Variants in FMN1 observed in about 807,000 individuals in gnomAD.
FMN1 encodes formin 1, also known as formin-1.
FMN1 carries 110 observed loss-of-function variants against 132.4 expected under a neutral mutation model. The ratio of observed to expected loss-of-function variants is 0.83; its 90% CI spans 0.71 to 0.97. The LOEUF (loss-of-function observed/expected upper bound fraction) is 0.97. FMN1 is among the 50% of genes least tolerant of loss of function. The pLI, the probability that FMN1 is intolerant of heterozygous loss-of-function variation, is 0.00. For synonymous variants in FMN1, 722 were observed against 651.7 expected (o/e 1.11, Z -1.64); for missense variants, 1,792 against 1,705.3 (o/e 1.05, Z -0.90).
At chr15:33,100,088 C>T (rs535536370) in intron 4 of FMN1, among the ~76,000 whole-genome samples, 2 of 152,218 alleles carry the variant, frequency 1.3e-5, no homozygotes, top group South Asian at 4.1e-4. Flanking sequence ...CAACAGGAAG[C>T]TGAGAGTGCT....
intron 8 of FMN1, among the ~76,000 whole-genome samples, chr15:32,965,346 A>G (rs903220741): frequency 1.3e-5 from 2 of 152,010 alleles, no homozygotes; most frequent in African/African-American, 4.8e-5. Context: ...GTTGCGATGA[A>G]CTGAGATTGT....
At chr15:33,076,594 T>C (rs2038219528) in intron 5 of FMN1, among the ~76,000 whole-genome samples, 2 of 152,166 alleles carry the variant, frequency 1.3e-5, no homozygotes, top group South Asian at 4.2e-4. Context: ...TGCTCGGTTC[T>C]TTATGCAAGT....
chr15:32,995,128 C>A (rs1053380232), intron 7 of FMN1, among the ~76,000 whole-genome samples: 1 of 151,914 alleles, frequency 6.6e-6, no homozygotes, highest in African/African-American at 2.4e-5. Context: ...ATATGCAAAA[C>A]ACATTTCTTA....
At position 32,777,559 on chromosome 15, in the gene FMN1, T is replaced by C. The variant is rs187735964; in HGVS notation, c.4131-640A>G. Among the ~76,000 whole-genome samples, 846 of 145,170 alleles carry C rather than the reference T, an allele frequency of 5.8e-3. 50 individuals are homozygous for C. The highest frequency in any genetic ancestry group is 0.021 in the African/African-American group (807 of 38,662). On this transcript the variant is annotated intron_variant, in intron 19 of 20. Transcript: ENST00000616417. ...TAACATTTATATATTACGTATAACA[T>C]ATAACACTTTATATATTACGTATAA...
chr15:33,157,761 G>C (rs1029297155), intron 3 of FMN1, among the ~76,000 whole-genome samples: 2 of 152,112 alleles, frequency 1.3e-5, no homozygotes, highest in African/African-American at 4.8e-5. Flanking sequence ...GGAGGCCAAG[G>C]CGGGAGGTTG....
intron 17 of FMN1, among the ~76,000 whole-genome samples, chr15:32,820,018 T>A (rs759186344): frequency 1.3e-5 from 2 of 152,190 alleles, no homozygotes; most frequent in Non-Finnish European, 2.9e-5. Flanking sequence ...TACATCAGTG[T>A]TAAACAAAAT....
intron 17 of FMN1, among the ~76,000 whole-genome samples, chr15:32,813,071 A>G (rs1567209306): frequency 6.6e-6 from 1 of 152,212 alleles, no homozygotes. Context: ...AACACAGTCT[A>G]ACAACTAGTT....
At chr15:32,951,055 G>C (rs368417746) in intron 9 of FMN1, among the ~76,000 whole-genome samples, 10 of 151,916 alleles carry the variant, frequency 6.6e-5, no homozygotes, top group African/African-American at 2.4e-4. Context: ...ATTTAATCAA[G>C]TACTGTATGA....
At chr15:32,900,415 T>A (rs1012430648) in intron 13 of FMN1, among the ~76,000 whole-genome samples, 3 of 152,246 alleles carry the variant, frequency 2.0e-5, no homozygotes, top group Non-Finnish European at 2.9e-5. Context: ...TAATTTTTAA[T>A]ACTTATTTTA....
At chr15:32,995,724 T>G (rs1413815417) in intron 7 of FMN1, among the ~76,000 whole-genome samples, 1 of 152,240 alleles carries the variant, frequency 6.6e-6, no homozygotes, top group Non-Finnish European at 1.5e-5. Context: ...CATGAAATTA[T>G]AGTTTAGAAA....
chr15:33,104,453 T>C (rs1056801280), intron 4 of FMN1, among the ~76,000 whole-genome samples: 1 of 151,694 alleles, frequency 6.6e-6, no homozygotes, highest in East Asian at 1.9e-4. Context: ...ATGACAATTA[T>C]ATGTATTACT....
intron 5 of FMN1, among the ~76,000 whole-genome samples, chr15:33,082,092 A>AGTGT (rs1566899546): frequency 1.7e-3 from 147 of 87,982 alleles, no homozygotes; most frequent in South Asian, 4.3e-3. Context: ...GCTGGAAAAC[A>AGTGT]ATGTGTGTGT....
intron 6 of FMN1, among the ~76,000 whole-genome samples, chr15:33,045,008 G>T (rs2036612488): frequency 6.6e-6 from 1 of 152,234 alleles, no homozygotes; most frequent in Non-Finnish European, 1.5e-5. Context: ...AAGGAGGAGA[G>T]AAAAGAGCTG....
intron 17 of FMN1, among the ~76,000 whole-genome samples, chr15:32,810,452 C>T (rs1264464809): frequency 6.6e-6 from 1 of 152,182 alleles, no homozygotes; most frequent in African/African-American, 2.4e-5. Flanking sequence ...AGCACTAACA[C>T]TATAGGGAGG....
At chr15:33,158,453 AAAG>A (rs1964763766) in intron 3 of FMN1, among the ~76,000 whole-genome samples, 1 of 152,112 alleles carries the variant, frequency 6.6e-6, no homozygotes, top group African/African-American at 2.4e-5. Context: ...AGAAAAAAAA[AAAG>A]AACTTTACAC....
At chr15:32,962,465 T>C (rs1304498318) in intron 9 of FMN1, among the ~76,000 whole-genome samples, 1 of 151,714 alleles carries the variant, frequency 6.6e-6, no homozygotes, top group East Asian at 1.9e-4. Context: ...CCAAAAGCAA[T>C]GGCAACAAAA....
intron 17 of FMN1, among the ~76,000 whole-genome samples, chr15:32,849,628 C>A (rs1319052138): frequency 5.9e-5 from 9 of 151,944 alleles, no homozygotes; most frequent in Non-Finnish European, 1.2e-4. Context: ...AGATAAAAGC[C>A]TACCTAATAG....
intron 17 of FMN1, among the ~76,000 whole-genome samples, chr15:32,845,693 G>C (rs1303490217): frequency 6.6e-6 from 1 of 152,096 alleles, no homozygotes; most frequent in East Asian, 1.9e-4. Context: ...TAAATGAAGT[G>C]CTATGCACCT....
chr15:33,160,596 G>A (rs1180728417), intron 3 of FMN1, among the ~76,000 whole-genome samples: 1 of 152,184 alleles, frequency 6.6e-6, no homozygotes, highest in Non-Finnish European at 1.5e-5. Flanking sequence ...GTGCATTGGG[G>A]TTAAATACAC....
Sources: gnomAD v4.1 joint callset for allele counts (sites outside exome capture counted in the v4.1 genomes callset) on GRCh38, gnomAD v4.1.1 for gene constraint, MANE v1.5 for transcripts, NCBI Gene and HGNC (gene_info 2026-07-23, HGNC 2026-07-21) for gene names.